Variants in UGGT1 observed in about 807,000 individuals in gnomAD.
UGGT1 encodes UDP-glucose:glycoprotein glucosyltransferase 1.
UGGT1 carries 107 observed loss-of-function variants against 203.9 expected under a neutral mutation model. The ratio of observed to expected loss-of-function variants is 0.52; its 90% confidence interval spans 0.45 to 0.62. The LOEUF (loss-of-function observed/expected upper bound fraction) is 0.62. Among genes scored for constraint, UGGT1 ranks in the 20% least tolerant of loss-of-function variants. The pLI is 0.00. For missense variants in UGGT1, 1,673 were observed against 1,867.2 expected, an observed-to-expected ratio of 0.90 and a Z score of 1.92; for synonymous variants, 628 against 653.5, an observed-to-expected ratio of 0.96 and a Z score of 0.59.
chr2:128,094,341 C>A (rs1687007599), intron 1 of UGGT1, among the ~76,000 whole-genome samples: 1 of 151,828 alleles, frequency 6.6e-6, no homozygotes, highest in African/African-American at 2.4e-5. Flanking sequence ...ATTTTTGAGG[C>A]TATTTAATAA....
At position 128,129,184 on chromosome 2, in the gene UGGT1, G is replaced by A; in HGVS notation, c.1377+5G>A. 4.4e-6 allele frequency: 7 copies of A among 1,605,876 alleles called. No homozygotes were observed. Among genetic ancestry groups the A allele is most frequent in the Non-Finnish European group, 5.9e-6 (7 of 1,177,986 alleles). On this transcript the variant is annotated splice_donor_5th_base_variant and intron_variant, in intron 13 of 40. Transcript: ENST00000259253. The stretch of plus-strand genomic sequence containing the variant: ...ATCCGGAGTCCTGCTATTTCAGTGA[G>A]TATTTTGTTAGGGTGATCAAAGGAC...
Position 128,134,883 on chromosome 2 carries a change from T to C in UGGT1, c.1505T>C (p.Ile502Thr), listed in dbSNP as rs369281288. 1.5e-5 allele frequency: 25 copies of C among 1,613,612 alleles called. No individual in the cohort carries two copies. Among genetic ancestry groups the C allele is most frequent in the Non-Finnish European group, 2.0e-5 (24 of 1,179,818 alleles). The change falls in exon 15 of 41, where the codon ATA (isoleucine) becomes ACA (threonine). Residue 502 changes from isoleucine (I) to threonine (T), a missense_variant. Ile to Thr is a moderately conservative substitution (Grantham distance 89). Around this residue, in one of 4 missense-constraint regions of UGGT1, gnomAD observed 1,073 missense variants for 1,078.7 expected, o/e 0.99. Coordinates refer to ENST00000259253, the MANE Select transcript of UGGT1 (RefSeq NM_020120.4). ...TTTCCCTTTCTTCAACAGGTTTTCA[T>C]AGTTGATCCTGCACATGAGACCACA... is the stretch of plus-strand genomic sequence containing the variant. The part of the protein sequence containing the change: ...IRKNLHNMVF[I>T]VDPAHETTAE...
chr2:128,116,218 CAA>C (rs1558762816), intron 7 of UGGT1, 45 bp from the exon 8 acceptor site: 1 of 1,313,892 alleles, frequency 7.6e-7, no homozygotes. Context: ...GTTTTTGTTT[CAA>C]ATCTGAGCAA....
At chr2:128,183,457 T>C (rs979995586) in intron 37 of UGGT1, among the ~76,000 whole-genome samples, 1 of 152,212 alleles carries the variant, frequency 6.6e-6, no homozygotes, top group African/African-American at 2.4e-5. Context: ...GGATGGCAAA[T>C]ACAGAACAGT....
chr2:128,160,992 T>C (rs1690500236), intron 24 of UGGT1, 146 bp from the exon 25 acceptor site: 2 of 898,262 alleles, frequency 2.2e-6, no homozygotes, highest in Admixed American at 2.7e-5. Context: ...ATTATTTCAC[T>C]GATTTTATCT....
At chr2:128,132,881 T>C (rs911606806) in intron 13 of UGGT1, among the ~76,000 whole-genome samples, 1 of 152,050 alleles carries the variant, frequency 6.6e-6, no homozygotes, top group African/African-American at 2.4e-5. Flanking sequence ...ATTTTTATAT[T>C]TTTTTGCAGA....
In UGGT1 at chr2:128,192,059, C is replaced by G. The variant is rs1692289238; in HGVS notation, c.*2317C>G. ...ATGCTGGCCCCCATAGCACCTTTCC[C>G]CATGTCTTTCTACCAAGCCTCTTAT... On this transcript the variant is annotated 3_prime_UTR_variant, in exon 41 of 41. Transcript: ENST00000259253. The G allele has an allele frequency of 6.6e-6, 1 of 152,220 alleles. No individual in the cohort carries two copies. The highest frequency in any genetic ancestry group is 1.5e-5 in the Non-Finnish European group (1 of 68,116). The allele number at this position is 152,220 out of a possible 1,614,324, so 9.4% of individuals were successfully genotyped here.
intron 11 of UGGT1, among the ~76,000 whole-genome samples, chr2:128,126,739 G>A (rs1348776649): frequency 4.5e-5 from 2 of 44,906 alleles, no homozygotes; most frequent in East Asian, 9.2e-4. Flanking sequence ...CTGGAGTGCA[G>A]TGGTGCTATC....
intron 27 of UGGT1, 30 bp downstream of exon 27, chr2:128,170,420 A>G: frequency 6.3e-7 from 1 of 1,593,038 alleles, no homozygotes; most frequent in African/African-American, 1.3e-5. Flanking sequence ...AGTGTACATC[A>G]CCTTTGTTTG....
intron 16 of UGGT1, among the ~76,000 whole-genome samples, chr2:128,139,200 T>TTTTG (rs745455083): frequency 6.6e-6 from 1 of 152,236 alleles, no homozygotes; most frequent in African/African-American, 2.4e-5. Flanking sequence ...AAAGGTTTGC[T>TTTTG]TTTGTTTGTT....
chr2:128,158,527 T>TA (rs1690358751), intron 22 of UGGT1, among the ~76,000 whole-genome samples: 1 of 152,260 alleles, frequency 6.6e-6, no homozygotes, highest in Non-Finnish European at 1.5e-5. Flanking sequence ...TTCATGATGT[T>TA]ACAAGTAGGG....
chr2:128,172,254 G>A (rs925286399), intron 28 of UGGT1, among the ~76,000 whole-genome samples: 4 of 152,170 alleles, frequency 2.6e-5, no homozygotes, highest in Admixed American at 1.3e-4. Context: ...TTGGATTTTG[G>A]CTTGCAGGTG....
At chr2:128,154,056 T>TACACAC (rs1355207997) in intron 19 of UGGT1, among the ~76,000 whole-genome samples, 18 of 83,138 alleles carry the variant, frequency 2.2e-4, no homozygotes, top group African/African-American at 7.2e-4. Flanking sequence ...AATACATGTA[T>TACACAC]ATATACACAC....
intron 1 of UGGT1, among the ~76,000 whole-genome samples, 193 bp from the exon 2 acceptor site, chr2:128,097,236 T>C (rs1025608430): frequency 2.0e-4 from 31 of 151,882 alleles, no homozygotes; most frequent in African/African-American, 7.3e-4. Flanking sequence ...ATTAGCAGGG[T>C]GTGGTGGTGC....
chr2:128,092,866 G>A (rs1686933035), intron 1 of UGGT1, among the ~76,000 whole-genome samples: 1 of 151,914 alleles, frequency 6.6e-6, no homozygotes, highest in African/African-American at 2.4e-5. Context: ...AGTGTTTTCT[G>A]TTTATTCATC....
intron 18 of UGGT1, among the ~76,000 whole-genome samples, chr2:128,151,841 C>A (rs1233016701): frequency 6.6e-6 from 1 of 152,106 alleles, no homozygotes; most frequent in Non-Finnish European, 1.5e-5. Flanking sequence ...TATACTACTA[C>A]ACTCCAGCCT....
At chr2:128,176,435 C>T (rs1227501915) in intron 31 of UGGT1, among the ~76,000 whole-genome samples, 2 of 143,864 alleles carry the variant, frequency 1.4e-5, no homozygotes, top group African/African-American at 2.6e-5. Context: ...AAAAAAAGAG[C>T]GGAGGCAGTG....
chr2:128,143,124 G>C lies in UGGT1; in HGVS notation c.1750G>C (p.Val584Leu), dbSNP rs772405479. ...TAACAAGGTGAGGACTGGAGAAAAA[G>C]TGAAAGTTGAACATGTGGTCAGTGT... Reference protein sequence around the residue: ...IYNKVRTGEKVKVEHVVSVLE... With the variant: ...IYNKVRTGEKLKVEHVVSVLE... Residue 584 changes from valine (V) to leucine (L), a missense_variant, in exon 17 of 41, where the codon GTG becomes CTG. Physicochemically the swap from Val to Leu is conservative, Grantham distance 32 (BLOSUM62 1). Around this residue, in one of 4 missense-constraint regions of UGGT1, gnomAD observed 1,073 missense variants for 1,078.7 expected, o/e 0.99. Coordinates refer to ENST00000259253, the MANE Select transcript of UGGT1 (RefSeq NM_020120.4). 7 of 1,613,062 alleles carry C rather than the reference G, an allele frequency of 4.3e-6. No individual in the cohort carries two copies. Among genetic ancestry groups the C allele is most frequent in the South Asian group, 2.2e-5 (2 of 90,890 alleles).
intron 37 of UGGT1, among the ~76,000 whole-genome samples, chr2:128,183,331 C>A (rs74770389): frequency 5.9e-5 from 9 of 152,156 alleles, no homozygotes; most frequent in Non-Finnish European, 1.2e-4. Flanking sequence ...TTTTCCCCCC[C>A]CTGTAACATT....
Sources: allele counts gnomAD v4.1 joint callset (sites outside exome capture counted in the v4.1 genomes callset), GRCh38; gene constraint gnomAD v4.1.1; regional missense constraint gnomAD v4.1.1; transcripts MANE v1.5; gene names NCBI Gene and HGNC (gene_info 2026-07-23, HGNC 2026-07-21).